GPRC5D: variants seen among roughly 807,000 people sequenced by gnomAD.
GPRC5D encodes the protein G protein-coupled receptor class C group 5 member D.
GPRC5D carries 20 observed loss-of-function variants against 29.3 expected under a neutral mutation model. The ratio of observed to expected loss-of-function variants is 0.68; its 90% CI spans 0.48 to 0.99. GPRC5D has a LOEUF of 0.99. Ranked by LOEUF, GPRC5D falls within the 50% of genes least tolerant of loss-of-function variation. GPRC5D has a pLI of 0.00. For synonymous variants in GPRC5D, 178 were observed against 171.3 expected, an observed-to-expected ratio of 1.04 and a Z score of -0.30; for missense variants, 384 against 423.6, an observed-to-expected ratio of 0.91 and a Z score of 0.82.
At chr12:12,944,810 C>T (rs138724477) in intron 1 of GPRC5D, among the ~76,000 whole-genome samples, 9,062 of 18,026 alleles carry the variant, frequency 0.5, 2,853 homozygotes, top group Non-Finnish European at 0.66. Context: ...CCCTTCCTTC[C>T]TTCCTTCCTT....
intron 1 of GPRC5D, among the ~76,000 whole-genome samples, chr12:12,943,315 G>A (rs537610531): frequency 6.6e-6 from 1 of 152,224 alleles, no homozygotes; most frequent in South Asian, 2.1e-4. Flanking sequence ...GTGTTAGTAG[G>A]GTTCACACTT....
upstream of GPRC5D, among the ~76,000 whole-genome samples, chr12:12,951,114 C>T (rs1863484025): frequency 6.6e-6 from 1 of 152,078 alleles, no homozygotes; most frequent in Non-Finnish European, 1.5e-5. Context: ...TGTCTGAAAA[C>T]AAAAACCGAA....
At chr12:12,944,997 CTCTCTTTCTCTT>C (rs1313437464) in intron 1 of GPRC5D, among the ~76,000 whole-genome samples, 1 of 147,840 alleles carries the variant, frequency 6.8e-6, no homozygotes, top group Non-Finnish European at 1.5e-5. Flanking sequence ...CTCTTTCTCT[CTCTCTTTCTCTT>C]TCTCTCTTTC....
At chr12:12,945,407 A>G (rs1863289713) in intron 1 of GPRC5D, among the ~76,000 whole-genome samples, 1 of 152,172 alleles carries the variant, frequency 6.6e-6, no homozygotes, top group African/African-American at 2.4e-5. Context: ...GAAGTTTTCC[A>G]CTCATAAAAC....
upstream of GPRC5D, among the ~76,000 whole-genome samples, chr12:12,950,712 C>T (rs1863474348): frequency 6.6e-6 from 1 of 151,732 alleles, no homozygotes; most frequent in African/African-American, 2.4e-5. Context: ...GAGGCTGAGG[C>T]AGGAGAATCG....
intron 1 of GPRC5D, among the ~76,000 whole-genome samples, chr12:12,947,932 T>G (rs1863396284): frequency 6.6e-6 from 1 of 152,238 alleles, no homozygotes; most frequent in Admixed American, 6.5e-5. Context: ...TGGCTATCAC[T>G]GGCAGACTAT....
At chr12:12,940,701 G>GC, downstream of GPRC5D, 1 of 828,058 alleles carries the variant, frequency 1.2e-6, no homozygotes, top group Non-Finnish European at 2.1e-6. Context: ...GACTCTGTGG[G>GC]CCCCCGTGGG....
At chr12:12,948,464 T>C (rs1317293720) in intron 1 of GPRC5D, 1 of 154,384 alleles carries the variant, frequency 6.5e-6, no homozygotes, top group Non-Finnish European at 1.5e-5. Context: ...AAAGTGTATG[T>C]ACTTAAAAGG....
downstream of GPRC5D, chr12:12,940,672 G>T (rs1592367450): frequency 2.9e-6 from 2 of 689,938 alleles, no homozygotes; most frequent in East Asian, 5.2e-5. Flanking sequence ...GTGGGATGCT[G>T]ACTCTTCATT....
In GPRC5D at chr12:12,950,077, CA is replaced by C. The variant is rs1565480748; in HGVS notation, c.307del (p.Cys103ValfsTer6). 1 of 1,614,038 alleles carries C rather than the reference CA, an allele frequency of 6.2e-7. No individual in the cohort carries two copies. Among genetic ancestry groups the C allele is most frequent in the Admixed American group, 1.7e-5 (1 of 59,996 alleles). ...GGCATGAGCTAAGAGGCATGAGAAA[CA>C]GAGAGCAAAGAGAACCCCAAAGAGA... On this transcript the variant is annotated frameshift_variant, in exon 1 of 3. Coordinates refer to ENST00000228887, the Ensembl canonical transcript of GPRC5D. LOFTEE classifies it high-confidence loss of function.
chr12:12,951,907 CTTTT>C (rs1366106160), upstream of GPRC5D, among the ~76,000 whole-genome samples: 6 of 151,952 alleles, frequency 3.9e-5, no homozygotes, highest in Admixed American at 1.3e-4. Context: ...CTTTAAATAC[CTTTT>C]TGAACAGTTT....
chr12:12,944,825 CCTTCCT>C (rs1162501597), intron 1 of GPRC5D, among the ~76,000 whole-genome samples: 212 of 12,092 alleles, frequency 0.018, 17 homozygotes, highest in Middle Eastern at 0.11. Context: ...TTCCTTCCTT[CCTTCCT>C]TCCTTCCTTC....
At chr12:12,950,951 A>G (rs1863480886), upstream of GPRC5D, among the ~76,000 whole-genome samples, 1 of 151,778 alleles carries the variant, frequency 6.6e-6, no homozygotes, top group Admixed American at 6.6e-5. Flanking sequence ...CTAAAAACAC[A>G]CATAAAAAAT....
At chr12:12,948,969 A>G (rs1863419977) in intron 1 of GPRC5D, among the ~76,000 whole-genome samples, 1 of 152,240 alleles carries the variant, frequency 6.6e-6, no homozygotes, top group Non-Finnish European at 1.5e-5. Flanking sequence ...GAAATCCAGA[A>G]GTGATTGGGC....
intron 1 of GPRC5D, among the ~76,000 whole-genome samples, chr12:12,945,752 A>G (rs1863298598): frequency 6.6e-6 from 1 of 152,150 alleles, no homozygotes; most frequent in Non-Finnish European, 1.5e-5. Context: ...TCTTTACCCT[A>G]ATCTTTTTGT....
At chr12:12,951,316 G>A (rs554607350), upstream of GPRC5D, among the ~76,000 whole-genome samples, 113 of 152,298 alleles carry the variant, frequency 7.4e-4, no homozygotes, top group African/African-American at 2.6e-3. Context: ...ACTGTCAAGA[G>A]CCTGAGTTAC....
chr12:12,944,850 C>CTTCTTTCTTTCTTTCTTTCT (rs57581481), intron 1 of GPRC5D, among the ~76,000 whole-genome samples: 15 of 34,478 alleles, frequency 4.4e-4, no homozygotes, highest in African/African-American at 6.0e-4. Flanking sequence ...TCCTTCCTTC[C>CTTCTTTCTTTCTTTCTTTCT]TTCTTTCTTT....
rs1485991472 is a variant in GPRC5D, at chr12:12,944,967, CCTTTTCTTTT to C, written c.896-2649_896-2640del. ...TCTTTCCTTTTCTTTCCTTTTCTTT[CCTTTTCTTTT>C]TCTCTCTCTCTCTTTCTCTCTCTCT... On this transcript the variant is annotated intron_variant, in intron 1 of 2. Transcript: ENST00000228887. Among the ~76,000 whole-genome samples, 7 of 61,928 alleles carry C rather than the reference CCTTTTCTTTT, an allele frequency of 1.1e-4. 1 individual carries two copies. The highest frequency in any genetic ancestry group is 2.8e-4 in the Non-Finnish European group (7 of 24,864). The allele number at this position is 61,928 out of a possible 152,430, so 40.6% of individuals were successfully genotyped here. A position where few individuals can be genotyped will look rare whatever the true frequency, so the allele number is the denominator to read the frequency against.
chr12:12,942,533 G>A (rs949570284), intron 1 of GPRC5D, among the ~76,000 whole-genome samples: 7 of 152,156 alleles, frequency 4.6e-5, no homozygotes, highest in South Asian at 2.1e-4. Context: ...TCAGGAGTTC[G>A]AGACTAGCCT....
Sources: gnomAD v4.1 joint callset for allele counts (sites outside exome capture counted in the v4.1 genomes callset) on GRCh38, gnomAD v4.1.1 for gene constraint, MANE v1.5 for transcripts, NCBI Gene and HGNC (gene_info 2026-07-23, HGNC 2026-07-21) for gene names.